The following ERN1 variants were observed in gnomAD, a reference collection of about 807,000 sequenced individuals.
The protein encoded by ERN1 is endoplasmic reticulum to nucleus signaling 1.
Under a neutral mutation model 113.1 loss-of-function variants are expected in ERN1, and 39 were observed. That is an observed-to-expected ratio of 0.34 (90% CI 0.27 to 0.45). The LOEUF is 0.45. ERN1 is among the 20% of genes least tolerant of loss of function. The pLI is 1.00. For missense variants in ERN1, 976 were observed against 1,274.8 expected, an observed-to-expected ratio of 0.77 and a Z score of 3.57; for synonymous variants, 507 against 515.9, an observed-to-expected ratio of 0.98 and a Z score of 0.23.
At chr17:64,117,354 A>C (rs1316874264) in intron 1 of ERN1, among the ~76,000 whole-genome samples, 1 of 151,966 alleles carries the variant, frequency 6.6e-6, no homozygotes, top group Non-Finnish European at 1.5e-5. Context: ...GAAGCACGAA[A>C]ATCACTTGAA....
chr17:64,087,573 G>A (rs1344137072), intron 2 of ERN1, among the ~76,000 whole-genome samples: 2 of 152,138 alleles, frequency 1.3e-5, no homozygotes, highest in Admixed American at 6.5e-5. Flanking sequence ...CTTTTGAAAA[G>A]TATTTAAGGG....
intron 2 of ERN1, among the ~76,000 whole-genome samples, chr17:64,091,883 A>AC (rs1196397171): frequency 6.6e-6 from 1 of 152,136 alleles, no homozygotes; most frequent in Non-Finnish European, 1.5e-5. Context: ...AGTTGTTGAA[A>AC]CGGCCAACCC....
rs986642678 is a variant in ERN1, at chr17:64,040,311, G to A, written c.*3677C>T. 3.3e-5 allele frequency: 5 copies of A among 152,214 alleles called. No homozygotes were observed. The highest frequency in any genetic ancestry group is 1.9e-4 in the East Asian group (1 of 5,178). 9.4% of individuals were successfully genotyped at this position (152,214 alleles called of 1,614,324 possible). A position where few individuals can be genotyped will look rare whatever the true frequency, so the allele number is the denominator to read the frequency against. ...GCCCCCAGTTCCCAGAGGATCACAA[G>A]GCCAAGGATCCAATGGGCACACCAT... is the stretch of plus-strand genomic sequence containing the variant. On this transcript the variant is annotated 3_prime_UTR_variant, in exon 22 of 22. Transcript: ENST00000433197.
intron 1 of ERN1, among the ~76,000 whole-genome samples, chr17:64,120,063 AT>A (rs939615946): frequency 3.3e-5 from 5 of 150,228 alleles, no homozygotes; most frequent in Admixed American, 6.6e-5. Flanking sequence ...GGCCTTAAAC[AT>A]TTTTTTTTTA....
intron 2 of ERN1, among the ~76,000 whole-genome samples, chr17:64,087,751 G>T (rs925472280): frequency 6.6e-6 from 1 of 152,154 alleles, no homozygotes; most frequent in African/African-American, 2.4e-5. Context: ...ATCTGCAATA[G>T]GTTGGAGAGA....
chr17:64,051,147 T>A (rs375105264), intron 17 of ERN1, among the ~76,000 whole-genome samples: 2 of 108,392 alleles, frequency 1.8e-5, no homozygotes, highest in African/African-American at 5.3e-5. Context: ...CTTGAGCCCA[T>A]AGCGATTAAG....
rs1912785797 is a variant in ERN1, at chr17:64,054,380, A to C, written c.1823T>G (p.Phe608Cys). Reference protein sequence around the residue: ...VKRILPECFSFADREVQLLRE... With the variant: ...VKRILPECFSCADREVQLLRE... ...CAACAGCTGGACCTCACGGTCTGCG[A>C]AGCTAAAACACTCGGGGAGGATCCT... The change falls in exon 15 of 22, where the codon TTC becomes TGC. Residue 608 changes from phenylalanine to cysteine, a missense_variant. Phe to Cys is a radical substitution (Grantham distance 205). Around this residue, in one of 5 missense-constraint regions of ERN1, gnomAD observed 297 missense variants for 457.8 expected, o/e 0.65. Transcript: ENST00000433197. The surrounding 1 kb of genome is among the most constrained non-coding windows in gnomAD (Gnocchi z 4.9). 1 of 1,604,022 alleles carries C rather than the reference A, an allele frequency of 6.2e-7. No individual in the cohort carries two copies. The highest frequency in any genetic ancestry group is 8.5e-7 in the Non-Finnish European group (1 of 1,175,400).
At chr17:64,065,095 A>G in intron 9 of ERN1, 114 bp downstream of exon 9, 1 of 661,246 alleles carries the variant, frequency 1.5e-6, no homozygotes, top group Non-Finnish European at 2.6e-6. Flanking sequence ...TGAGAACTTA[A>G]GATTTGTGTT....
At chr17:64,128,764 G>C (rs1005996444) in intron 1 of ERN1, 12 of 151,544 alleles carry the variant, frequency 7.9e-5, no homozygotes, top group African/African-American at 2.9e-4. Context: ...ATTATAAAGA[G>C]TCTACAAATT....
At chr17:64,096,292 G>A (rs894930454) in intron 2 of ERN1, among the ~76,000 whole-genome samples, 1 of 152,204 alleles carries the variant, frequency 6.6e-6, no homozygotes, top group African/African-American at 2.4e-5. Context: ...GATTTTCATA[G>A]GAGTGTGAAC....
rs1912441500 is a variant in ERN1 at position 64,044,317 on chromosome 17, T to C, written c.2722-117A>G. The C allele has an allele frequency of 2.8e-6, 2 of 721,156 alleles. No homozygotes were observed. The highest frequency in any genetic ancestry group is 4.2e-6 in the Non-Finnish European group (2 of 473,526). 44.7% of individuals were successfully genotyped at this position (721,156 alleles called of 1,614,324 possible). On this transcript the variant is annotated intron_variant, in intron 21 of 21. Transcript: ENST00000433197. This position sits in a 1 kb window ranked among gnomAD's most constrained non-coding sequence, Gnocchi z 4.1. ...ACAGAATGTGAGTGTTGGTTTTTGG[T>C]AAAGAAAAAGAAAAAAGGCTTATGT...
In ERN1 at chr17:64,045,484, T is replaced by C. The variant is rs60593068; in HGVS notation, c.2530-2A>G. The C allele has an allele frequency of 6.2e-7, 1 of 1,613,928 alleles. No homozygotes were observed. Among genetic ancestry groups the C allele is most frequent in the African/African-American group, 1.3e-5 (1 of 75,046 alleles). On this transcript the variant is annotated splice_acceptor_variant, in intron 19 of 21. Coordinates refer to ENST00000433197, the MANE Select transcript of ERN1 (RefSeq NM_001433.5). LOFTEE classifies it high-confidence loss of function. Reference sequence around the variant, plus strand: ...CTTTTCTATTCTGTCGCTCACGTCCTGTGAGAGAAACAAGGGCAGCAGATG... The same window carrying C: ...CTTTTCTATTCTGTCGCTCACGTCCCGTGAGAGAAACAAGGGCAGCAGATG...
intron 5 of ERN1, among the ~76,000 whole-genome samples, chr17:64,074,727 C>T (rs1333714773): frequency 6.6e-6 from 1 of 152,176 alleles, no homozygotes; most frequent in Non-Finnish European, 1.5e-5. Context: ...AAAGCTGTGA[C>T]CCCATAGGTA....
chr17:64,123,409 G>T (rs1915000708), intron 1 of ERN1, among the ~76,000 whole-genome samples: 1 of 152,120 alleles, frequency 6.6e-6, no homozygotes, highest in Non-Finnish European at 1.5e-5. Flanking sequence ...GGTACAAAGG[G>T]TATCATCCAG....
chr17:64,048,797 G>A lies in ERN1; in HGVS notation c.2401+258C>T, dbSNP rs984456475. 2.8e-5 allele frequency among the ~76,000 whole-genome samples: 3 copies of A among 105,824 alleles called. No individual in the cohort carries two copies. In the Admixed American group the frequency reaches 2.9e-4, roughly 10 times the overall value. The allele number at this position is 105,824 out of a possible 152,430, so 69.4% of individuals were successfully genotyped here. On this transcript the variant is annotated intron_variant, in intron 18 of 21. Transcript: ENST00000433197. ...GTAGAAAAAGAAGGTCTCCAAAGGG[G>A]GCTTTGCCTAGGTCACACAAGTAGT... is the stretch of plus-strand genomic sequence containing the variant.
Position 64,111,266 on chromosome 17 carries a change from T to C in ERN1, c.55-13025A>G, listed in dbSNP as rs778720033. Among the ~76,000 whole-genome samples, 27 of 152,340 alleles carry C rather than the reference T, an allele frequency of 1.8e-4. 1 individual carries two copies. The highest frequency in any genetic ancestry group is 4.8e-4 in the African/African-American group (20 of 41,582). ...GCTATAATGATCCTATAAAGGATAT[T>C]CTCTGCTGTCATTCTCAGTTTTCCC... On this transcript the variant is annotated intron_variant, in intron 1 of 21. Coordinates refer to ENST00000433197, the MANE Select transcript of ERN1 (RefSeq NM_001433.5).
At chr17:64,069,058 A>G (rs1024754424) in intron 6 of ERN1, among the ~76,000 whole-genome samples, 3 of 152,224 alleles carry the variant, frequency 2.0e-5, no homozygotes, top group Non-Finnish European at 4.4e-5. Flanking sequence ...ACTTTAGGGA[A>G]AAGATCAAAT....
chr17:64,059,713 T>G (rs1275528172), intron 11 of ERN1, among the ~76,000 whole-genome samples: 1 of 152,162 alleles, frequency 6.6e-6, no homozygotes, highest in Non-Finnish European at 1.5e-5. Context: ...GCTCCCGGTC[T>G]AGAGTCCTTT....
At chr17:64,056,398 CACAG>C (rs1246038426) in intron 12 of ERN1, among the ~76,000 whole-genome samples, 2 of 152,150 alleles carry the variant, frequency 1.3e-5, no homozygotes, top group Non-Finnish European at 2.9e-5. Flanking sequence ...GAGGCTAGCG[CACAG>C]ACACTCAGTA....
Sources: gnomAD v4.1 joint callset for allele counts (sites outside exome capture counted in the v4.1 genomes callset) on GRCh38, gnomAD v4.1.1 for gene constraint, gnomAD v4.1.1 regional missense constraint, Gnocchi (gnomAD v3.1) non-coding constraint, MANE v1.5 for transcripts, NCBI Gene and HGNC (gene_info 2026-07-23, HGNC 2026-07-21) for gene names.